PLD5: variants seen among roughly 807,000 people sequenced by gnomAD.
The protein encoded by PLD5 is phospholipase D family member 5.
A neutral mutation model predicts 61.1 loss-of-function variants in PLD5; 36 were observed. That is an observed-to-expected ratio of 0.59 (90% CI 0.45 to 0.78). The LOEUF is 0.78. PLD5 is among the 30% of genes least tolerant of loss of function. PLD5 has a pLI of 0.00. For synonymous variants in PLD5, 243 were observed against 242.8 expected (o/e 1.00, Z -0.01); for missense variants, 515 against 644.4 (o/e 0.80, Z 2.17).
At chr1:242,502,333 A>C (rs1668580742) in intron 1 of PLD5, among the ~76,000 whole-genome samples, 6 of 152,196 alleles carry the variant, frequency 3.9e-5, no homozygotes. Context: ...AGTCCTCTTG[A>C]TCACTTCCCA....
rs1295791012 is a variant in PLD5 at position 242,394,398 on chromosome 1, ATGTG to A, written c.190-46160_190-46157del. ...TATATGTGTGTATATATGAGTATAT[ATGTG>A]TGTATATATGAGTATATATGTGTGT... On this transcript the variant is annotated intron_variant, in intron 1 of 9. Transcript: ENST00000536534. Among the ~76,000 whole-genome samples, 17 of 102,254 alleles carry A rather than the reference ATGTG, an allele frequency of 1.7e-4. 2 individuals are homozygous for A. Among genetic ancestry groups the A allele is most frequent in the African/African-American group, 5.9e-4 (15 of 25,304 alleles). The allele number at this position is 102,254 out of a possible 152,430, so 67.1% of individuals were successfully genotyped here.
intron 1 of PLD5, among the ~76,000 whole-genome samples, chr1:242,409,978 C>A (rs1461281954): frequency 2.0e-5 from 3 of 152,160 alleles, no homozygotes; most frequent in Non-Finnish European, 4.4e-5. Flanking sequence ...AGACAAGAAA[C>A]ATTTCTGGAG....
chr1:242,376,954 T>C (rs1216690133), intron 1 of PLD5: 1 of 1,609,854 alleles, frequency 6.2e-7, no homozygotes, highest in Non-Finnish European at 8.5e-7. Flanking sequence ...CTTTTGGATT[T>C]GATGAAGGCC....
intron 3 of PLD5, among the ~76,000 whole-genome samples, chr1:242,267,471 G>A (rs1673755650): frequency 6.6e-6 from 1 of 152,184 alleles, no homozygotes; most frequent in Non-Finnish European, 1.5e-5. Flanking sequence ...TGCTCAAAGT[G>A]GAGCTCATTG....
At chr1:242,262,834 T>C (rs978221618) in intron 4 of PLD5, among the ~76,000 whole-genome samples, 3 of 151,992 alleles carry the variant, frequency 2.0e-5, no homozygotes, top group Non-Finnish European at 4.4e-5. Context: ...GAGATGTTTA[T>C]ATGAGGGATA....
chr1:242,190,138 C>CTTTTT lies in PLD5; in HGVS notation c.735+29845_735+29849dup, dbSNP rs902616187. 2.3e-3 allele frequency among the ~76,000 whole-genome samples: 168 copies of CTTTTT among 74,412 alleles called. 4 individuals carry two copies. Among genetic ancestry groups the CTTTTT allele is most frequent in the East Asian group, 4.1e-3 (8 of 1,962 alleles). The allele number at this position is 74,412 out of a possible 152,430, so 48.8% of individuals were successfully genotyped here. Reference sequence around the variant, plus strand: ...TATCTGTATTTTCCTGACAGGACTCCTTTTTTTTTTTTTTTTTTTTTTTTT... The same window carrying CTTTTT: ...TATCTGTATTTTCCTGACAGGACTCCTTTTTTTTTTTTTTTTTTTTTTTTTTTTTT... On this transcript the variant is annotated intron_variant, in intron 5 of 9. Coordinates refer to ENST00000536534, the MANE Select transcript of PLD5 (RefSeq NM_001372062.1).
intron 4 of PLD5, among the ~76,000 whole-genome samples, chr1:242,231,646 G>A (rs895148336): frequency 6.6e-6 from 1 of 152,046 alleles, no homozygotes; most frequent in Non-Finnish European, 1.5e-5. Context: ...AGAATTCTTC[G>A]GGACATTTAC....
At chr1:242,343,678 G>A (rs1470741675) in intron 2 of PLD5, among the ~76,000 whole-genome samples, 2 of 151,658 alleles carry the variant, frequency 1.3e-5, no homozygotes, top group Non-Finnish European at 2.9e-5. Context: ...ACTTATGAGG[G>A]CCTGGACCAA....
At chr1:242,305,535 C>G (rs1250774864) in intron 2 of PLD5, among the ~76,000 whole-genome samples, 1 of 152,030 alleles carries the variant, frequency 6.6e-6, no homozygotes, top group Non-Finnish European at 1.5e-5. Context: ...AAAGCGGAGA[C>G]TGTGCACAAG....
At chr1:242,458,990 C>T (rs566642665) in intron 1 of PLD5, among the ~76,000 whole-genome samples, 1 of 152,284 alleles carries the variant, frequency 6.6e-6, no homozygotes, top group South Asian at 2.1e-4. Context: ...AGTTGCATTA[C>T]ATCAGTCTAT....
chr1:242,451,218 T>C (rs1666764697), intron 1 of PLD5, among the ~76,000 whole-genome samples: 1 of 152,160 alleles, frequency 6.6e-6, no homozygotes, highest in South Asian at 2.1e-4. Context: ...TCTCCCTTTC[T>C]TCTACCTGTT....
intron 4 of PLD5, among the ~76,000 whole-genome samples, chr1:242,261,036 T>C (rs1334749802): frequency 1.3e-5 from 2 of 152,194 alleles, no homozygotes; most frequent in African/African-American, 2.4e-5. Flanking sequence ...GATAAGACGG[T>C]TCTAAAATTT....
chr1:242,109,408 G>T (rs1346422131), intron 7 of PLD5, among the ~76,000 whole-genome samples: 1 of 152,012 alleles, frequency 6.6e-6, no homozygotes, highest in African/African-American at 2.4e-5. Context: ...AACCCAGGAG[G>T]TGGAGGTTGC....
chr1:242,122,772 T>C (rs529168476), intron 6 of PLD5, among the ~76,000 whole-genome samples: 1 of 152,276 alleles, frequency 6.6e-6, no homozygotes, highest in Non-Finnish European at 1.5e-5. Flanking sequence ...GAATTTGTTA[T>C]TTAAGACAAC....
intron 3 of PLD5, among the ~76,000 whole-genome samples, chr1:242,285,826 G>A (rs1674988818): frequency 6.6e-6 from 1 of 152,010 alleles, no homozygotes; most frequent in African/African-American, 2.4e-5. Context: ...AGTAGAAGGG[G>A]GCCAGGCACA....
intron 4 of PLD5, chr1:242,235,358 G>A (rs904679630): frequency 6.6e-6 from 1 of 152,110 alleles, no homozygotes; most frequent in Non-Finnish European, 1.5e-5. Flanking sequence ...TTAGGTGATA[G>A]AACTAGGGAT....
intron 1 of PLD5, among the ~76,000 whole-genome samples, chr1:242,349,942 G>A (rs1015626856): frequency 6.6e-6 from 1 of 152,148 alleles, no homozygotes; most frequent in Non-Finnish European, 1.5e-5. Flanking sequence ...GGAGGCTGGG[G>A]TTGGAAGACT....
intron 1 of PLD5, among the ~76,000 whole-genome samples, 180 bp downstream of exon 1, chr1:242,523,908 C>A (rs934473567): frequency 1.3e-5 from 2 of 152,216 alleles, no homozygotes; most frequent in African/African-American, 4.8e-5. Flanking sequence ...CTCCCCGCAG[C>A]CCGGTCATTA....
intron 5 of PLD5, among the ~76,000 whole-genome samples, chr1:242,202,015 G>C (rs1310212708): frequency 6.6e-6 from 1 of 152,132 alleles, no homozygotes; most frequent in Non-Finnish European, 1.5e-5. Flanking sequence ...AGGAGTTCAA[G>C]ACCAGCCTGG....
Sources: gnomAD v4.1 joint callset for allele counts (sites outside exome capture counted in the v4.1 genomes callset) on GRCh38, gnomAD v4.1.1 for gene constraint, MANE v1.5 for transcripts, NCBI Gene and HGNC (gene_info 2026-07-23, HGNC 2026-07-21) for gene names.